The following ZNF552 variants were observed in gnomAD, a reference collection of about 807,000 sequenced individuals.
ZNF552 encodes the protein zinc finger protein 552.
A neutral mutation model predicts 7.2 loss-of-function variants in ZNF552; 2 were observed. The ratio of observed to expected loss-of-function variants is 0.28; its 90% CI spans 0.11 to 0.88. The LOEUF (loss-of-function observed/expected upper bound fraction) is 0.88. Ranked by LOEUF, ZNF552 falls within the 40% of genes least tolerant of loss-of-function variation. ZNF552 has a pLI of 0.60. For missense variants in ZNF552, 421 were observed against 493.4 expected (o/e 0.85, Z 1.39); for synonymous variants, 173 against 176.5 (o/e 0.98, Z 0.16).
intron 1 of ZNF552, chr19:57,814,330 C>T: frequency 1.6e-6 from 1 of 640,272 alleles, no homozygotes; most frequent in East Asian, 2.7e-5. Context: ...ACTTTAAAAG[C>T]CTGGACTTTG....
At chr19:57,809,385 T>C (rs1987811673) in intron 2 of ZNF552, 1 of 628,708 alleles carries the variant, frequency 1.6e-6, no homozygotes, top group Non-Finnish European at 2.8e-6. Flanking sequence ...ATCTGCAGAA[T>C]TTATGTCCTC....
Position 57,814,886 on chromosome 19 carries a change from C to G in ZNF552, c.-143G>C. On this transcript the variant is annotated 5_prime_UTR_variant, in exon 1 of 3. Coordinates refer to ENST00000391701, the MANE Select transcript of ZNF552 (RefSeq NM_024762.3). ...TCCCAACACAGCGCTCCAAGGACTCCCTAACGCCAATGGAAATGGTCGCTA... is the reference window on the plus strand; with the variant it reads ...TCCCAACACAGCGCTCCAAGGACTCGCTAACGCCAATGGAAATGGTCGCTA... 1 of 849,400 alleles carries G rather than the reference C, an allele frequency of 1.2e-6. No homozygotes were observed. The highest frequency in any genetic ancestry group is 1.8e-6 in the Non-Finnish European group (1 of 560,502). 52.6% of individuals were successfully genotyped at this position (849,400 alleles called of 1,614,324 possible).
At chr19:57,811,660 G>T (rs1987859024) in intron 2 of ZNF552, among the ~76,000 whole-genome samples, 1 of 137,972 alleles carries the variant, frequency 7.2e-6, no homozygotes, top group South Asian at 2.3e-4. Flanking sequence ...AGGTTGCGGT[G>T]AGCCAGATCG....
At chr19:57,809,574 C>T (rs962506043) in intron 2 of ZNF552, among the ~76,000 whole-genome samples, 6 of 151,682 alleles carry the variant, frequency 4.0e-5, no homozygotes, top group African/African-American at 1.5e-4. Context: ...GATGTGAGGT[C>T]CAGAGATGTG....
In ZNF552 at chr19:57,814,651, C is replaced by CTTTAG. The variant is rs1291473250; in HGVS notation, c.33+59_33+60insCTAAA. On this transcript the variant is annotated intron_variant, in intron 1 of 2. Transcript: ENST00000391701. ...GCCGTAAACAGGTGCCGCTCCCTCG[C>CTTTAG]TGCTTTAGGACTTGTGTGACTAGGA... The CTTTAG allele has an allele frequency of 1.9e-6, 3 of 1,613,732 alleles. No homozygotes were observed. In the Admixed American group the frequency reaches 5.0e-5, roughly 27 times the overall value.
In ZNF552 at chr19:57,809,075, C is replaced by A. The variant is rs539421969; in HGVS notation, c.189G>T (p.Ala63=). 9 of 1,535,424 alleles carry A rather than the reference C, an allele frequency of 5.9e-6. No individual in the cohort carries two copies. The highest frequency in any genetic ancestry group is 6.1e-6 in the Non-Finnish European group (7 of 1,141,062). The change falls in exon 3 of 3, where the codon GCG becomes GCT. Residue 63 remains alanine (A), a synonymous_variant. Transcript: ENST00000391701. ...LGCWCGVEDE[A]APSKQSIYIQ... is the part of the protein sequence containing the mutation. ...TATAAATACTCTGCTTAGAAGGTGC[C>A]GCCTCATCTTCCACTCCACACCAAC...
intron 1 of ZNF552, chr19:57,814,428 G>A (rs1355251561): frequency 8.0e-7 from 1 of 1,249,056 alleles, no homozygotes; most frequent in Non-Finnish European, 1.1e-6. Context: ...TTTTCCAGGA[G>A]GAGTTCCGCC....
chr19:57,808,458 G>T lies in ZNF552; in HGVS notation c.806C>A (p.Thr269Lys), dbSNP rs34952901. ...QGVHTREKPY[T>K]CGICGKLFNS... ...AAATAATTTCCCACATATCCCACAC[G>T]TATAAGGTTTTTCTCTAGTGTGAAC... Residue 269 changes from threonine to lysine, a missense_variant, in exon 3 of 3, where the codon ACG (threonine) becomes AAG (lysine). Transcript: ENST00000391701. 1.0e-4 allele frequency: 164 copies of T among 1,613,816 alleles called. No individual in the cohort carries two copies. The East Asian group carries it at 3.7e-3, about 36-fold the overall frequency.
intron 1 of ZNF552, 152 bp downstream of exon 1, chr19:57,814,559 G>A (rs995377562): frequency 1.3e-6 from 2 of 1,548,602 alleles, no homozygotes; most frequent in Admixed American, 2.0e-5. Flanking sequence ...CGCATCCCAC[G>A]GGTGTCTGAA....
In ZNF552 at chr19:57,813,125, G is replaced by C. The variant is rs1354109400; in HGVS notation, c.160+169C>G. ...CTGGGAGCTCAATAGCAGGTGTTGG[G>C]GCTGCTCCAAGAATGGAGAGGGCAG... On this transcript the variant is annotated intron_variant, in intron 2 of 2. Transcript: ENST00000391701. The C allele has an allele frequency of 2.6e-6, 3 of 1,174,606 alleles. No individual in the cohort carries two copies. The Admixed American group carries it at 8.8e-5, about 34-fold the overall frequency. The allele number at this position is 1,174,606 out of a possible 1,614,324, so 72.8% of individuals were successfully genotyped here. A position where few individuals can be genotyped will look rare whatever the true frequency, so the allele number is the denominator to read the frequency against.
intron 2 of ZNF552, among the ~76,000 whole-genome samples, chr19:57,811,446 G>A (rs1167832976): frequency 6.6e-6 from 1 of 152,042 alleles, no homozygotes; most frequent in Non-Finnish European, 1.5e-5. Context: ...ACAAGCATGA[G>A]CCACCGCACC....
chr19:57,812,705 A>T (rs957753060), intron 2 of ZNF552, among the ~76,000 whole-genome samples: 7 of 152,174 alleles, frequency 4.6e-5, no homozygotes, highest in Non-Finnish European at 1.0e-4. Flanking sequence ...AGTAGCCAGG[A>T]TTAAAAGCGT....
rs1317955707 is a variant in ZNF552, at chr19:57,813,438, G to A, written c.34-18C>T. 2.5e-6 allele frequency: 4 copies of A among 1,610,514 alleles called. No individual in the cohort carries two copies. The highest frequency in any genetic ancestry group is 3.4e-6 in the Non-Finnish European group (4 of 1,177,106). On this transcript the variant is annotated intron_variant, in intron 1 of 2. Coordinates refer to ENST00000391701, the MANE Select transcript of ZNF552 (RefSeq NM_024762.3). The stretch of plus-strand genomic sequence containing the variant: ...ACTGTGCCCTGTTATGATGTTGACA[G>A]ATGAAACCACAAACCACCCCTATGC...
At chr19:57,811,132 C>A (rs906131897) in intron 2 of ZNF552, among the ~76,000 whole-genome samples, 2 of 151,116 alleles carry the variant, frequency 1.3e-5, no homozygotes, top group South Asian at 4.2e-4. Flanking sequence ...CCTCCGTATG[C>A]TGAGCGCCAG....
chr19:57,814,658 A>G, intron 1 of ZNF552, 53 bp downstream of exon 1: 2 of 1,613,928 alleles, frequency 1.2e-6, no homozygotes, highest in Non-Finnish European at 1.7e-6. Flanking sequence ...TCGCTGCTTT[A>G]GGACTTGTGT....
At chr19:57,809,552 G>T (rs1351485852) in intron 2 of ZNF552, among the ~76,000 whole-genome samples, 1 of 151,702 alleles carries the variant, frequency 6.6e-6, no homozygotes, top group Non-Finnish European at 1.5e-5. Flanking sequence ...ATGAAGATGT[G>T]AATAAAATTA....
intron 1 of ZNF552, 146 bp downstream of exon 1, chr19:57,814,563 GTC>G: frequency 6.4e-7 from 1 of 1,551,054 alleles, no homozygotes; most frequent in Non-Finnish European, 8.7e-7. Context: ...TCCCACGGGT[GTC>G]TGAAACAGGG....
At chr19:57,813,902 C>G (rs1268085688) in intron 1 of ZNF552, among the ~76,000 whole-genome samples, 1 of 151,982 alleles carries the variant, frequency 6.6e-6, no homozygotes, top group Non-Finnish European at 1.5e-5. Flanking sequence ...CGCCACCACG[C>G]CTGGCTAATT....
Position 57,814,822 on chromosome 19 carries a change from G to T in ZNF552, c.-79C>A. The T allele has an allele frequency of 7.3e-7, 1 of 1,360,594 alleles. No homozygotes were observed. Among genetic ancestry groups the T allele is most frequent in the South Asian group, 1.2e-5 (1 of 82,248 alleles). The allele number at this position is 1,360,594 out of a possible 1,614,324, so 84.3% of individuals were successfully genotyped here. A position where few individuals can be genotyped will look rare whatever the true frequency, so the allele number is the denominator to read the frequency against. On this transcript the variant is annotated 5_prime_UTR_variant, in exon 1 of 3. Coordinates refer to ENST00000391701, the MANE Select transcript of ZNF552 (RefSeq NM_024762.3). ...CAGAGTCACGTCTGTGCAAAGAGAAGAACGACTCTCGACCTCCTGGATCCA... is the reference window on the plus strand; with the variant it reads ...CAGAGTCACGTCTGTGCAAAGAGAATAACGACTCTCGACCTCCTGGATCCA...
Sources: gnomAD v4.1 joint callset for allele counts (sites outside exome capture counted in the v4.1 genomes callset) on GRCh38, gnomAD v4.1.1 for gene constraint, MANE v1.5 for transcripts, NCBI Gene and HGNC (gene_info 2026-07-23, HGNC 2026-07-21) for gene names.